LENG8: variants seen among roughly 807,000 people sequenced by gnomAD.
The protein encoded by LENG8 is leukocyte receptor cluster member 8.
A neutral mutation model predicts 102.1 loss-of-function variants in LENG8; 28 were observed. That is an observed-to-expected ratio of 0.27 (90% CI 0.20 to 0.38). The LOEUF (loss-of-function observed/expected upper bound fraction) is 0.38. Ranked by LOEUF, LENG8 falls within the 10% of genes least tolerant of loss-of-function variation. The pLI is 1.00. For synonymous variants in LENG8, 531 were observed against 456.7 expected, an observed-to-expected ratio of 1.16 and a Z score of -2.07; for missense variants, 1,022 against 1,113.9, an observed-to-expected ratio of 0.92 and a Z score of 1.17.
intron 2 of LENG8, 60 bp downstream of exon 2, chr19:54,451,442 G>A: frequency 6.4e-7 from 1 of 1,563,180 alleles, no homozygotes; most frequent in Admixed American, 1.7e-5. Flanking sequence ...AAGACCCAGT[G>A]CTGTCCTCTG....
intron 4 of LENG8, 132 bp downstream of exon 4, chr19:54,452,884 A>C (rs2123084196): frequency 3.0e-6 from 2 of 675,746 alleles, no homozygotes. Context: ...CTGCTCAGAA[A>C]CCCTCTAACT....
rs2084518313 is a variant in LENG8 at position 54,460,971 on chromosome 19, G to GC, written c.*44dup. On this transcript the variant is annotated 3_prime_UTR_variant, in exon 16 of 16. Transcript: ENST00000326764. ...GCGGGGGCAGGGGCTGCAGCCCCCA[G>GC]CGCTGCCTTTGCGGATTCTGTTTTT... 6.5e-7 allele frequency: 1 copy of GC among 1,536,746 alleles called. No individual in the cohort carries two copies. The highest frequency in any genetic ancestry group is 2.0e-5 in the Admixed American group (1 of 50,790).
rs2084519084 is a variant in LENG8 at position 54,460,982 on chromosome 19, G to A, written c.*54G>A. On this transcript the variant is annotated 3_prime_UTR_variant, in exon 16 of 16. Coordinates refer to ENST00000326764, the MANE Select transcript of LENG8 (RefSeq NM_052925.4). ...GGCTGCAGCCCCCAGCGCTGCCTTT[G>A]CGGATTCTGTTTTTGAGCCGTGGAC... The A allele has an allele frequency of 1.3e-6, 2 of 1,534,954 alleles. No homozygotes were observed. Among genetic ancestry groups the A allele is most frequent in the East Asian group, 4.9e-5 (2 of 40,888 alleles).
chr19:54,458,574 G>A (rs202143556), intron 15 of LENG8, 53 bp downstream of exon 15: 40 of 1,609,074 alleles, frequency 2.5e-5, no homozygotes, highest in South Asian at 2.0e-4. Context: ...CTTCCGCCTC[G>A]CACCGCCCCT....
At chr19:54,458,843 C>T (rs1321875253) in intron 15 of LENG8, 3 of 1,550,718 alleles carry the variant, frequency 1.9e-6, no homozygotes, top group Non-Finnish European at 2.6e-6. Context: ...CACTCCTTGC[C>T]CTGGGCTTCC....
In LENG8 at chr19:54,457,836, G is replaced by A. The variant is rs886271977; in HGVS notation, c.1821G>A (p.Arg607=). Residue 607 remains arginine (R), a synonymous_variant, in exon 12 of 16, where the codon CGG becomes CGA. Transcript: ENST00000326764. ...AFACEQMKSI[R]QDLTVQGIRT... ...CCTGCGAGCAGATGAAGTCGATCCG[G>A]CAGGATCTGACGGTGAGACTCGCGC... is the stretch of plus-strand genomic sequence containing the variant. The A allele has an allele frequency of 7.4e-6, 12 of 1,613,820 alleles. No individual in the cohort carries two copies. Among genetic ancestry groups the A allele is most frequent in the Non-Finnish European group, 9.3e-6 (11 of 1,179,760 alleles).
At position 54,458,436 on chromosome 19, in the gene LENG8, T is replaced by C. The variant is rs1453745927; in HGVS notation, c.2155T>C (p.Cys719Arg). Residue 719 changes from cysteine (C) to arginine (R), a missense_variant, in exon 15 of 16, where the codon TGC (cysteine) becomes CGC (arginine). Cys to Arg is a radical substitution (Grantham distance 180). Transcript: ENST00000326764. ...GNYHRFFRLYCHAPCMSGYLV... is the reference protein window; with the variant it reads ...GNYHRFFRLYRHAPCMSGYLV... ...CTACCACCGCTTTTTCCGGCTCTAC[T>C]GCCATGCACCCTGCATGTCTGGCTA... 6.2e-7 allele frequency: 1 copy of C among 1,614,290 alleles called. No individual in the cohort carries two copies. Among genetic ancestry groups the C allele is most frequent in the East Asian group, 2.2e-5 (1 of 44,886 alleles).
chr19:54,453,389 T>C (rs115258876), intron 4 of LENG8, among the ~76,000 whole-genome samples, 157 bp from the exon 5 acceptor site: 1,592 of 152,262 alleles, frequency 0.01, 28 homozygotes, highest in African/African-American at 0.036. Flanking sequence ...AGGTTTTTCT[T>C]TTCCTAATAT....
chr19:54,458,528 G>T lies in LENG8; in HGVS notation c.2240+7G>T. ...TCAAGGCCATGATCAAAACGTATGTGGTGCCAAGCTCCCTTCTGCCTTTGC... is the reference window on the plus strand; with the variant it reads ...TCAAGGCCATGATCAAAACGTATGTTGTGCCAAGCTCCCTTCTGCCTTTGC... On this transcript the variant is annotated splice_region_variant and intron_variant, in intron 15 of 15. Transcript: ENST00000326764. The T allele has an allele frequency of 6.2e-7, 1 of 1,614,100 alleles. No individual in the cohort carries two copies. Among genetic ancestry groups the T allele is most frequent in the Non-Finnish European group, 8.5e-7 (1 of 1,179,968 alleles).
rs960707759 is a variant in LENG8, at chr19:54,461,648, C to T, written c.*720C>T. The T allele has an allele frequency of 2.1e-6, 1 of 477,284 alleles. No individual in the cohort carries two copies. Among genetic ancestry groups the T allele is most frequent in the Non-Finnish European group, 4.3e-6 (1 of 231,404 alleles). 29.6% of individuals were successfully genotyped at this position (477,284 alleles called of 1,614,324 possible). A position where few individuals can be genotyped will look rare whatever the true frequency, so the allele number is the denominator to read the frequency against. On this transcript the variant is annotated 3_prime_UTR_variant, in exon 16 of 16. Coordinates refer to ENST00000326764, the MANE Select transcript of LENG8 (RefSeq NM_052925.4). ...TTTTTTTTCCCCTTTCCCTCCCTCCCTCTCCGCATTCTTCCCTTGGTTCAG... is the reference window on the plus strand; with the variant it reads ...TTTTTTTTCCCCTTTCCCTCCCTCCTTCTCCGCATTCTTCCCTTGGTTCAG...
At chr19:54,457,457 C>T (rs541204416) in intron 11 of LENG8, among the ~76,000 whole-genome samples, 1 of 152,356 alleles carries the variant, frequency 6.6e-6, no homozygotes, top group East Asian at 1.9e-4. Context: ...TCTCCTGCCT[C>T]AGCCTCCCTA....
Position 54,456,243 on chromosome 19 carries a change from A to T in LENG8, c.1302A>T (p.Arg434Ser), listed in dbSNP as rs1272038321. The T allele has an allele frequency of 6.2e-7, 1 of 1,613,776 alleles. No individual in the cohort carries two copies. Among genetic ancestry groups the T allele is most frequent in the Admixed American group, 1.7e-5 (1 of 59,980 alleles). Residue 434 changes from arginine (R) to serine (S), a missense_variant and splice_region_variant, in exon 9 of 16, where the codon AGA becomes AGT. Arg to Ser is a moderately radical substitution (Grantham distance 110, BLOSUM62 -1). Coordinates refer to ENST00000326764, the MANE Select transcript of LENG8 (RefSeq NM_052925.4). ...SSRSPTRHFR[R>S]SDSHSDSDSS... ...GGTCCCCGACGCGCCACTTCCGCAG[A>T]AGGTACTGAGGCTCCCGGCTGGGGC...
intron 15 of LENG8, chr19:54,459,872 C>A (rs542981713): frequency 1.7e-3 from 2,000 of 1,169,072 alleles, no homozygotes; most frequent in Non-Finnish European, 2.0e-3. Context: ...AGTCTGCTGC[C>A]ATGATGGGCC....
chr19:54,457,714 T>TGA, intron 11 of LENG8, 33 bp from the exon 12 acceptor site: 1 of 1,487,684 alleles, frequency 6.7e-7, no homozygotes, highest in Non-Finnish European at 9.4e-7. Flanking sequence ...ACCTGAGTTG[T>TGA]ACTCCGAGTG....
chr19:54,456,473 T>C lies in LENG8; in HGVS notation c.1445+8T>C, dbSNP rs893272174. On this transcript the variant is annotated splice_region_variant and intron_variant, in intron 10 of 15. Transcript: ENST00000326764. ...GGCGCAGCGTGGGAAGAGGTGAGAC[T>C]GTGTGAGGGCTCGACACACGGGCCA... 8.7e-6 allele frequency: 14 copies of C among 1,600,076 alleles called. No homozygotes were observed. Among genetic ancestry groups the C allele is most frequent in the African/African-American group, 2.7e-5 (2 of 74,692 alleles).
chr19:54,461,368 C>T lies in LENG8; in HGVS notation c.*440C>T, dbSNP rs1569312208. ...GGCGGGGGCACCCAGCAAGCCCGCC[C>T]ACCGCCCGCTGCCTCACCTGCTTCG... On this transcript the variant is annotated 3_prime_UTR_variant, in exon 16 of 16. Transcript: ENST00000326764. 4.4e-6 allele frequency: 2 copies of T among 458,652 alleles called. No individual in the cohort carries two copies. The highest frequency in any genetic ancestry group is 8.7e-6 in the Non-Finnish European group (2 of 228,682). 28.4% of individuals were successfully genotyped at this position (458,652 alleles called of 1,614,324 possible). A position where few individuals can be genotyped will look rare whatever the true frequency, so the allele number is the denominator to read the frequency against.
At position 54,458,534 on chromosome 19, in the gene LENG8, A is replaced by G; in HGVS notation, c.2240+13A>G. On this transcript the variant is annotated intron_variant, in intron 15 of 15. Coordinates refer to ENST00000326764, the MANE Select transcript of LENG8 (RefSeq NM_052925.4). Reference sequence around the variant, plus strand: ...CCATGATCAAAACGTATGTGGTGCCAAGCTCCCTTCTGCCTTTGCTCTTCC... The same window carrying G: ...CCATGATCAAAACGTATGTGGTGCCGAGCTCCCTTCTGCCTTTGCTCTTCC... The G allele has an allele frequency of 6.2e-7, 1 of 1,614,044 alleles. No homozygotes were observed. The highest frequency in any genetic ancestry group is 8.5e-7 in the Non-Finnish European group (1 of 1,179,942).
intron 5 of LENG8, 134 bp downstream of exon 5, chr19:54,453,790 G>A (rs764183040): frequency 7.2e-5 from 47 of 653,330 alleles, no homozygotes; most frequent in Non-Finnish European, 1.1e-4. Context: ...ATCTGAAAAT[G>A]AGGAGGACAG....
In LENG8 at chr19:54,458,321, C is replaced by G. The variant is rs201834861; in HGVS notation, c.2040C>G (p.Thr680=). ...TCTTTGTCTTGGTGCTAGACATCAC[C>G]ACGGAGCTGGCATACCTCACACGAG... is the stretch of plus-strand genomic sequence containing the variant. ...YIFTKNSGDI[T]TELAYLTREL... is the part of the protein sequence containing the mutation. Residue 680 remains threonine, a synonymous_variant, in exon 15 of 16, where the codon ACC becomes ACG. Transcript: ENST00000326764. The G allele has an allele frequency of 2.4e-5, 39 of 1,613,670 alleles. No homozygotes were observed. The highest frequency in any genetic ancestry group is 3.3e-5 in the Non-Finnish European group (39 of 1,179,822).
Sources: allele counts gnomAD v4.1 joint callset (sites outside exome capture counted in the v4.1 genomes callset), GRCh38; gene constraint gnomAD v4.1.1; transcripts MANE v1.5; gene names NCBI Gene and HGNC (gene_info 2026-07-23, HGNC 2026-07-21).